Variants in ATP8A2 observed in about 807,000 individuals in gnomAD.
ATP8A2 encodes phospholipid-transporting ATPase IB.
Under a neutral mutation model 165.6 loss-of-function variants are expected in ATP8A2, and 100 were observed. The ratio of observed to expected loss-of-function variants is 0.60; its 90% CI spans 0.51 to 0.71. The LOEUF is 0.71. Among genes scored for constraint, ATP8A2 ranks in the 30% least tolerant of loss-of-function variants. The pLI, the probability that ATP8A2 is intolerant of heterozygous loss-of-function variation, is 0.00. For missense variants in ATP8A2, 1,227 were observed against 1,479.5 expected (o/e 0.83, Z 2.80); for synonymous variants, 543 against 548.8 (o/e 0.99, Z 0.15).
At chr13:25,775,169 T>A (rs2044713793) in intron 27 of ATP8A2, among the ~76,000 whole-genome samples, 1 of 152,162 alleles carries the variant, frequency 6.6e-6, no homozygotes, top group African/African-American at 2.4e-5. Flanking sequence ...AAAGCGGGCA[T>A]CTGCAGCCTT....
chr13:25,954,629 G>T (rs578013850), intron 33 of ATP8A2, among the ~76,000 whole-genome samples: 21 of 152,280 alleles, frequency 1.4e-4, no homozygotes, highest in Non-Finnish European at 2.6e-4. Context: ...GGCATCTGGC[G>T]GGTGCCCCTC....
intron 24 of ATP8A2, among the ~76,000 whole-genome samples, chr13:25,698,871 G>T (rs1381721243): frequency 6.6e-6 from 1 of 152,084 alleles, no homozygotes; most frequent in Non-Finnish European, 1.5e-5. Context: ...TCCCCAAAAA[G>T]CACATTTGTT....
At chr13:25,436,151 A>T (rs1490761441) in intron 1 of ATP8A2, among the ~76,000 whole-genome samples, 2 of 151,932 alleles carry the variant, frequency 1.3e-5, no homozygotes, top group Non-Finnish European at 2.9e-5. Flanking sequence ...CAGGGGGTAC[A>T]TGTGCAGGTC....
chr13:25,437,191 G>A (rs1026065690), intron 1 of ATP8A2, among the ~76,000 whole-genome samples: 2 of 152,126 alleles, frequency 1.3e-5, no homozygotes, highest in Non-Finnish European at 2.9e-5. Flanking sequence ...TCATATGCTT[G>A]TTGGCTGCTT....
chr13:25,502,902 A>G (rs575473579), intron 2 of ATP8A2, among the ~76,000 whole-genome samples: 5 of 152,298 alleles, frequency 3.3e-5, no homozygotes, highest in South Asian at 2.1e-4. Flanking sequence ...TTGTTTTGCT[A>G]TGCATTTTAA....
intron 33 of ATP8A2, among the ~76,000 whole-genome samples, chr13:25,900,596 G>T (rs1056990957): frequency 6.6e-6 from 1 of 152,258 alleles, no homozygotes; most frequent in East Asian, 1.9e-4. Flanking sequence ...TTGGCTAAAG[G>T]TTAATAAGGA....
intron 34 of ATP8A2, among the ~76,000 whole-genome samples, chr13:25,966,019 AAG>A: frequency 7.6e-6 from 1 of 130,946 alleles, no homozygotes; most frequent in Non-Finnish European, 1.6e-5. Context: ...AGTCCAGGGA[AAG>A]AGTTTCAGAA....
At position 25,372,550 on chromosome 13, in the gene ATP8A2, A is replaced by ATG. The variant is rs565211059; in HGVS notation, c.76+277_76+278dup. Among the ~76,000 whole-genome samples, 140 of 151,320 alleles carry ATG rather than the reference A, an allele frequency of 9.3e-4. No individual in the cohort carries two copies. Among genetic ancestry groups the ATG allele is most frequent in the South Asian group, 2.9e-3 (14 of 4,796 alleles). ...AGACCCCCGGCTCGTCCCTGTACAG[A>ATG]TGTGTGTGTGTGTGTGCGGCCTCCC... On this transcript the variant is annotated intron_variant, in intron 1 of 36. Coordinates refer to ENST00000381655, the MANE Select transcript of ATP8A2 (RefSeq NM_016529.6). This position sits in a 1 kb window ranked among gnomAD's most constrained non-coding sequence, Gnocchi z 4.8.
intron 25 of ATP8A2, among the ~76,000 whole-genome samples, chr13:25,712,172 A>G (rs546788188): frequency 1.3e-5 from 2 of 152,324 alleles, no homozygotes; most frequent in East Asian, 1.9e-4. Context: ...TCCTGTATCA[A>G]GTTACTTTGC....
chr13:25,414,186 G>GTTTTTTTTTTTTTTTTTTTTTTTTT (rs10528594), intron 1 of ATP8A2, among the ~76,000 whole-genome samples: 1 of 119,056 alleles, frequency 8.4e-6, no homozygotes, highest in Non-Finnish European at 1.8e-5. Flanking sequence ...GGGCTGTGGT[G>GTTTTTTTTTTTTTTTTTTTTTTTTT]TTTTTTTTTT....
intron 33 of ATP8A2, among the ~76,000 whole-genome samples, chr13:25,899,372 G>T (rs1281309604): frequency 6.6e-6 from 1 of 152,238 alleles, no homozygotes; most frequent in Non-Finnish European, 1.5e-5. Flanking sequence ...CCCTGCCTGG[G>T]TATGTCTGAC....
chr13:25,964,442 A>G (rs1955729478), intron 34 of ATP8A2, among the ~76,000 whole-genome samples: 2 of 152,188 alleles, frequency 1.3e-5, no homozygotes, highest in Admixed American at 1.3e-4. Context: ...TTTTGAGGCA[A>G]GTAAATTCGG....
chr13:25,808,133 C>CG (rs1950782298), intron 27 of ATP8A2, among the ~76,000 whole-genome samples: 1 of 143,550 alleles, frequency 7.0e-6, no homozygotes, highest in African/African-American at 2.6e-5. Context: ...CTCCCCAAGA[C>CG]TTTTTTTTTT....
chr13:25,662,419 C>G (rs1396899647), intron 24 of ATP8A2, among the ~76,000 whole-genome samples: 2 of 152,130 alleles, frequency 1.3e-5, no homozygotes, highest in African/African-American at 2.4e-5. Flanking sequence ...TTGACTGATT[C>G]TATATGGGAT....
intron 33 of ATP8A2, among the ~76,000 whole-genome samples, chr13:25,875,934 A>T (rs1294360621): frequency 2.0e-5 from 3 of 152,370 alleles, no homozygotes; most frequent in African/African-American, 7.2e-5. Context: ...ACTGAGGAAG[A>T]CAGTGGGCCA....
At chr13:25,586,958 C>T (rs759060319) in intron 23 of ATP8A2, among the ~76,000 whole-genome samples, 7 of 152,136 alleles carry the variant, frequency 4.6e-5, no homozygotes, top group Non-Finnish European at 1.0e-4. Context: ...GTTGATTATA[C>T]TCAGGTAGTA....
chr13:25,994,491 G>A (rs1039897514), intron 35 of ATP8A2, among the ~76,000 whole-genome samples: 5 of 152,114 alleles, frequency 3.3e-5, no homozygotes, highest in Non-Finnish European at 7.4e-5. Flanking sequence ...TTATCATAAA[G>A]TGTGGTGCTA....
chr13:25,703,438 C>G (rs2042991594), intron 25 of ATP8A2, among the ~76,000 whole-genome samples: 1 of 152,046 alleles, frequency 6.6e-6, no homozygotes, highest in Non-Finnish European at 1.5e-5. Flanking sequence ...CCATATGACC[C>G]AGAAATTGCA....
intron 10 of ATP8A2, among the ~76,000 whole-genome samples, chr13:25,548,174 C>T (rs1268782050): frequency 6.6e-6 from 1 of 152,118 alleles, no homozygotes; most frequent in African/African-American, 2.4e-5. Context: ...TGCAGTGATC[C>T]ATGATCACGC....
Sources: allele counts gnomAD v4.1 joint callset (sites outside exome capture counted in the v4.1 genomes callset), GRCh38; gene constraint gnomAD v4.1.1; non-coding constraint Gnocchi (gnomAD v3.1); transcripts MANE v1.5; gene names NCBI Gene and HGNC (gene_info 2026-07-23, HGNC 2026-07-21).